Variants in PRIM2 observed in about 807,000 individuals in gnomAD.
The protein encoded by PRIM2 is DNA primase subunit 2, also known as DNA primase large subunit.
In PRIM2, 39 loss-of-function variants were observed where a neutral mutation model predicts 67.3. The observed-to-expected ratio is 0.58, with a 90% CI of 0.45 to 0.76. PRIM2 has a LOEUF of 0.76. Among genes scored for constraint, PRIM2 ranks in the 30% least tolerant of loss-of-function variants. The pLI, the probability that PRIM2 is intolerant of heterozygous loss-of-function variation, is 0.00. For missense variants in PRIM2, 398 were observed against 598.7 expected (o/e 0.66, Z 3.50); for synonymous variants, 143 against 198.7 (o/e 0.72, Z 2.36).
At chr6:57,636,411 C>A (rs1422481565) in intron 13 of PRIM2, among the ~76,000 whole-genome samples, 1 of 152,136 alleles carries the variant, frequency 6.6e-6, no homozygotes, top group African/African-American at 2.4e-5. Flanking sequence ...CCCCTTCCCC[C>A]CACATACAAA....
At chr6:57,305,697 T>G in the PRIM2 span, among the ~76,000 whole-genome samples, 3 of 152,234 alleles carry the variant, frequency 2.0e-5, no homozygotes, top group Non-Finnish European at 2.9e-5. Context: ...ATTCTTTCTT[T>G]TAAACACAAA....
chr6:57,491,053 A>G (rs1468980321), intron 7 of PRIM2, among the ~76,000 whole-genome samples: 2 of 152,256 alleles, frequency 1.3e-5, no homozygotes, highest in East Asian at 3.8e-4. Context: ...AATTGTTCAG[A>G]ATTAAGAAAG....
At chr6:57,570,871 A>G (rs1251198823) in intron 10 of PRIM2, among the ~76,000 whole-genome samples, 1 of 152,190 alleles carries the variant, frequency 6.6e-6, no homozygotes, top group African/African-American at 2.4e-5. Context: ...AACTTTCTTC[A>G]TCTTCAGGTT....
chr6:57,531,220 A>G (rs2127467961), intron 8 of PRIM2, among the ~76,000 whole-genome samples: 1 of 152,148 alleles, frequency 6.6e-6, no homozygotes, highest in South Asian at 2.1e-4. Flanking sequence ...AGGCATGATC[A>G]TGGCTCACTA....
chr6:57,395,955 G>A (rs1270365787), intron 7 of PRIM2, among the ~76,000 whole-genome samples: 1 of 152,122 alleles, frequency 6.6e-6, no homozygotes, highest in Non-Finnish European at 1.5e-5. Context: ...CTATGTATTT[G>A]CATGATTTTG....
intron 13 of PRIM2, among the ~76,000 whole-genome samples, chr6:57,634,702 AAAGT>A (rs1448492245): frequency 6.6e-6 from 1 of 152,258 alleles, no homozygotes; most frequent in East Asian, 1.9e-4. Context: ...TAATCACCAA[AAAGT>A]AAGGAGTGGT....
At chr6:57,392,223 G>C (rs1770376889) in intron 7 of PRIM2, among the ~76,000 whole-genome samples, 1 of 152,076 alleles carries the variant, frequency 6.6e-6, no homozygotes, top group African/African-American at 2.4e-5. Flanking sequence ...CATTGATTTT[G>C]TATCCTGGAA....
intron 10 of PRIM2, among the ~76,000 whole-genome samples, chr6:57,540,011 G>C (rs1320347315): frequency 6.6e-6 from 1 of 151,408 alleles, no homozygotes; most frequent in Non-Finnish European, 1.5e-5. Flanking sequence ...AAAAAAAAAG[G>C]AAACTACACA....
At chr6:57,633,227 T>G (rs1202623195) in intron 13 of PRIM2, among the ~76,000 whole-genome samples, 1 of 152,220 alleles carries the variant, frequency 6.6e-6, no homozygotes, top group African/African-American at 2.4e-5. Flanking sequence ...TTGCATCCAC[T>G]GATCCTGAGC....
intron 10 of PRIM2, among the ~76,000 whole-genome samples, chr6:57,539,156 T>C (rs1775080993): frequency 6.6e-6 from 1 of 152,292 alleles, no homozygotes; most frequent in Non-Finnish European, 1.5e-5. Context: ...TGAGCAGTTT[T>C]GGATAATGTT....
At chr6:57,439,572 C>A (rs191459865) in intron 7 of PRIM2, among the ~76,000 whole-genome samples, 1 of 151,638 alleles carries the variant, frequency 6.6e-6, no homozygotes, top group African/African-American at 2.4e-5. Flanking sequence ...CCCGCCACCA[C>A]GCCCAGCTAC....
chr6:57,633,407 A>G (rs1355000181), intron 13 of PRIM2, among the ~76,000 whole-genome samples: 1 of 152,246 alleles, frequency 6.6e-6, no homozygotes, highest in Non-Finnish European at 1.5e-5. Context: ...AATCATCATC[A>G]GCTACCATGC....
chr6:57,524,231 G>C (rs1291915157), intron 8 of PRIM2, among the ~76,000 whole-genome samples: 1 of 152,114 alleles, frequency 6.6e-6, no homozygotes, highest in Non-Finnish European at 1.5e-5. Flanking sequence ...ATAAATTATT[G>C]AAATTCTGTT....
At chr6:57,583,739 A>C (rs1776140619) in intron 10 of PRIM2, among the ~76,000 whole-genome samples, 1 of 152,276 alleles carries the variant, frequency 6.6e-6, no homozygotes, top group African/African-American at 2.4e-5. Flanking sequence ...TAGATCCCTG[A>C]GGAATCGCCA....
chr6:57,266,981 AC>A, the PRIM2 span, among the ~76,000 whole-genome samples: 3 of 152,234 alleles, frequency 2.0e-5, no homozygotes, highest in South Asian at 4.1e-4. Flanking sequence ...AACTATTTTG[AC>A]TTTTACTGTT....
the PRIM2 span, among the ~76,000 whole-genome samples, chr6:57,239,030 G>T: frequency 8.6e-5 from 13 of 150,568 alleles, no homozygotes; most frequent in Admixed American, 7.3e-4. Context: ...TCACTCTGTC[G>T]TCCAGGCTGG....
chr6:57,527,245 G>T (rs1410920691), intron 8 of PRIM2, among the ~76,000 whole-genome samples: 1 of 152,202 alleles, frequency 6.6e-6, no homozygotes, highest in East Asian at 1.9e-4. Context: ...ATCAAAACTT[G>T]TATTTTCATA....
At chr6:57,418,976 G>A (rs1319253975) in intron 7 of PRIM2, among the ~76,000 whole-genome samples, 2 of 151,858 alleles carry the variant, frequency 1.3e-5, no homozygotes, top group African/African-American at 4.8e-5. Context: ...AATTATTTTG[G>A]GGTACATTTT....
intron 10 of PRIM2, among the ~76,000 whole-genome samples, chr6:57,552,061 CTG>C (rs1775415682): frequency 1.3e-5 from 2 of 152,034 alleles, no homozygotes; most frequent in African/African-American, 4.8e-5. Context: ...TGATTTCAGT[CTG>C]TGGAGGTTTG....
Sources: allele counts gnomAD v4.1 joint callset (sites outside exome capture counted in the v4.1 genomes callset), GRCh38; gene constraint gnomAD v4.1.1; transcripts MANE v1.5; gene names NCBI Gene and HGNC (gene_info 2026-07-23, HGNC 2026-07-21).